Variants in IP6K3 observed in about 807,000 individuals in gnomAD.
IP6K3 encodes the protein ATP:1D-myo-inositol-hexakisphosphate phosphotransferase.
Under a neutral mutation model 28.8 loss-of-function variants are expected in IP6K3, and 20 were observed. The observed-to-expected ratio is 0.70, with a 90% CI of 0.49 to 1.01. IP6K3 has a LOEUF of 1.01. IP6K3 is among the 50% of genes least tolerant of loss of function. The probability of loss-of-function intolerance (pLI) is 0.00; values close to 1 mark genes in which losing one functional copy is unlikely to be tolerated. For missense variants in IP6K3, 480 were observed against 537.1 expected, an observed-to-expected ratio of 0.89 and a Z score of 1.05; for synonymous variants, 213 against 221.3, an observed-to-expected ratio of 0.96 and a Z score of 0.33.
chr6:33,754,570 G>T, the IP6K3 span, among the ~76,000 whole-genome samples: 38 of 152,214 alleles, frequency 2.5e-4, no homozygotes, highest in Non-Finnish European at 3.4e-4. Flanking sequence ...GGCTGGCGGG[G>T]CTGAAGCTGC....
At chr6:33,748,973 C>T (rs1039750271), upstream of IP6K3, among the ~76,000 whole-genome samples, 1 of 152,172 alleles carries the variant, frequency 6.6e-6, no homozygotes, top group African/African-American at 2.4e-5. Context: ...TCCCCCTGCC[C>T]AGCTGTGTGC....
intron 1 of IP6K3, among the ~76,000 whole-genome samples, chr6:33,743,123 G>A (rs1427529783): frequency 2.6e-5 from 4 of 152,192 alleles, no homozygotes; most frequent in Non-Finnish European, 5.9e-5. Context: ...CCAGCCAGAG[G>A]AGATGCTGGC....
Position 33,722,856 on chromosome 6 carries a change from C to A in IP6K3, c.1097G>T (p.Arg366Leu). 1 of 1,613,702 alleles carries A rather than the reference C, an allele frequency of 6.2e-7. No homozygotes were observed. The highest frequency in any genetic ancestry group is 8.5e-7 in the Non-Finnish European group (1 of 1,179,652). ...SPGGLTKVDI[R>L]MIDFAHTTYK... ...TGTGGTATGAGCAAAGTCAATCATG[C>A]GGATGTCAACCTTGGTGAGACCACC... is the stretch of plus-strand genomic sequence containing the variant. The change falls in exon 6 of 6, where the codon CGC becomes CTC. Residue 366 changes from arginine to leucine, a missense_variant. Physicochemically the swap from Arg to Leu is moderately radical, Grantham distance 102. Coordinates refer to ENST00000293756, the MANE Select transcript of IP6K3 (RefSeq NM_054111.5).
At chr6:33,738,970 C>A (rs540758167) in intron 1 of IP6K3, among the ~76,000 whole-genome samples, 1 of 152,214 alleles carries the variant, frequency 6.6e-6, no homozygotes, top group Non-Finnish European at 1.5e-5. Context: ...AGGGATCAGG[C>A]TGAAGGCCCA....
At position 33,722,915 on chromosome 6, in the gene IP6K3, G is replaced by A. The variant is rs375114410; in HGVS notation, c.1038C>T (p.His346=). The change falls in exon 6 of 6, where the codon CAC becomes CAT. Residue 346 remains histidine (H), a synonymous_variant. Coordinates refer to ENST00000293756, the MANE Select transcript of IP6K3 (RefSeq NM_054111.5). ...TACCGTGGGCTGCCTGGGGAGCCTCGTGAGGATGCGGGCTGCCTGGGGCTC... is the reference window on the plus strand; with the variant it reads ...TACCGTGGGCTGCCTGGGGAGCCTCATGAGGATGCGGGCTGCCTGGGGCTC... ...PERAPGSPHP[H]EAPQAAHGSS... is the part of the protein sequence containing the mutation. 2.4e-5 allele frequency: 38 copies of A among 1,613,884 alleles called. No homozygotes were observed. Among genetic ancestry groups the A allele is most frequent in the Non-Finnish European group, 3.1e-5 (37 of 1,179,996 alleles).
chr6:33,732,874 C>CT (rs1561904544), intron 2 of IP6K3, among the ~76,000 whole-genome samples: 1 of 152,254 alleles, frequency 6.6e-6, no homozygotes, highest in African/African-American at 2.4e-5. Context: ...ACGAGCAGAC[C>CT]TCAGCCACCT....
intron 1 of IP6K3, among the ~76,000 whole-genome samples, chr6:33,737,883 T>G (rs561494013): frequency 2.6e-5 from 4 of 152,090 alleles, no homozygotes; most frequent in Admixed American, 6.5e-5. Flanking sequence ...GGCACAGAGG[T>G]GAGCCCCATC....
At chr6:33,728,641 A>T (rs1305459530) in intron 2 of IP6K3, among the ~76,000 whole-genome samples, 2 of 152,112 alleles carry the variant, frequency 1.3e-5, no homozygotes, top group African/African-American at 4.8e-5. Context: ...CACACCTCCC[A>T]GTCACACCAC....
chr6:33,751,525 C>A (rs1410546932), upstream of IP6K3, among the ~76,000 whole-genome samples: 1 of 116,158 alleles, frequency 8.6e-6, no homozygotes. The surrounding 1 kb of genome is among the most constrained non-coding windows in gnomAD (Gnocchi z 4.3). Flanking sequence ...TGTGTTTGGC[C>A]CCGGGAATGG....
At position 33,722,482 on chromosome 6, in the gene IP6K3, CCT is replaced by C; in HGVS notation, c.*236_*237del. On this transcript the variant is annotated 3_prime_UTR_variant, in exon 6 of 6. Transcript: ENST00000293756. ...TGTACTCCAGAAGGTGCCACTTTAT[CCT>C]GGCTGTCTGTTCTCCGATGAGCAGC... 1 of 369,606 alleles carries C rather than the reference CCT, an allele frequency of 2.7e-6. No homozygotes were observed. The highest frequency in any genetic ancestry group is 4.9e-6 in the Non-Finnish European group (1 of 205,874). 22.9% of individuals were successfully genotyped at this position (369,606 alleles called of 1,614,324 possible).
chr6:33,729,033 G>A (rs186831828), intron 2 of IP6K3, among the ~76,000 whole-genome samples: 89 of 152,316 alleles, frequency 5.8e-4, no homozygotes, highest in Non-Finnish European at 1.2e-3. Flanking sequence ...TCCTACCATC[G>A]GTGTTGGTCA....
In IP6K3 at chr6:33,744,999, G is replaced by A. The variant is rs1465637765; in HGVS notation, c.-180+1759C>T. Among the ~76,000 whole-genome samples, 3 of 152,224 alleles carry A rather than the reference G, an allele frequency of 2.0e-5. No individual in the cohort carries two copies. The highest frequency in any genetic ancestry group is 4.4e-5 in the Non-Finnish European group (3 of 68,032). ...CCCAGGCTGTGGCACCCTGGTGGGTGGGTGAGGCCTCTCAGCTGCCAGCTG... is the reference window on the plus strand; with the variant it reads ...CCCAGGCTGTGGCACCCTGGTGGGTAGGTGAGGCCTCTCAGCTGCCAGCTG... On this transcript the variant is annotated intron_variant, in intron 1 of 5. Transcript: ENST00000293756. The surrounding 1 kb of genome is among the most constrained non-coding windows in gnomAD (Gnocchi z 4.4).
At chr6:33,748,889 A>C (rs1489583869), upstream of IP6K3, among the ~76,000 whole-genome samples, 3 of 149,936 alleles carry the variant, frequency 2.0e-5, no homozygotes, top group African/African-American at 5.0e-5. Flanking sequence ...CTGCCCCCTG[A>C]CTCCCCCCTG....
chr6:33,728,550 G>A (rs1356696522), intron 2 of IP6K3, among the ~76,000 whole-genome samples: 1 of 152,164 alleles, frequency 6.6e-6, no homozygotes, highest in Non-Finnish European at 1.5e-5. Context: ...CTGCTTTATC[G>A]CACTTCCCTG....
intron 1 of IP6K3, 31 bp from the exon 2 acceptor site, chr6:33,735,686 T>C (rs1766500050): frequency 1.3e-5 from 17 of 1,279,824 alleles, no homozygotes; most frequent in Non-Finnish European, 1.7e-5. Flanking sequence ...GAGGAAGTTA[T>C]ATGAGGGAGG....
intron 1 of IP6K3, among the ~76,000 whole-genome samples, chr6:33,738,621 G>C (rs1437509757): frequency 1.3e-5 from 2 of 152,204 alleles, no homozygotes; most frequent in Admixed American, 1.3e-4. Flanking sequence ...GAGAGGTTAA[G>C]TAGCTTCCCT....
chr6:33,745,581 G>GC lies in IP6K3; in HGVS notation c.-180+1176dup, dbSNP rs374641025. Among the ~76,000 whole-genome samples the GC allele has an allele frequency of 2.3e-3, 357 of 152,278 alleles. 1 individual carries two copies. The highest frequency in any genetic ancestry group is 7.9e-3 in the African/African-American group (329 of 41,548). Reference sequence around the variant, plus strand: ...AATCACCATGGTGGGGGGTCGGGGGGCTGGCAGAGGCTCTTTCTAATTGAA... The same window carrying GC: ...AATCACCATGGTGGGGGGTCGGGGGGCCTGGCAGAGGCTCTTTCTAATTGAA... On this transcript the variant is annotated intron_variant, in intron 1 of 5. Transcript: ENST00000293756.
At chr6:33,756,897 G>A in the IP6K3 span, among the ~76,000 whole-genome samples, 5 of 152,192 alleles carry the variant, frequency 3.3e-5, no homozygotes, top group African/African-American at 1.2e-4. Context: ...CAGCCCCACC[G>A]CCACCTGCGG....
intron 5 of IP6K3, among the ~76,000 whole-genome samples, chr6:33,723,840 A>T (rs1766001137): frequency 6.6e-6 from 1 of 152,194 alleles, no homozygotes; most frequent in Non-Finnish European, 1.5e-5. Context: ...TCTCCTTGGC[A>T]CCATCTCTCC....
Sources: gnomAD v4.1 joint callset for allele counts (sites outside exome capture counted in the v4.1 genomes callset) on GRCh38, gnomAD v4.1.1 for gene constraint, Gnocchi (gnomAD v3.1) non-coding constraint, MANE v1.5 for transcripts, NCBI Gene and HGNC (gene_info 2026-07-23, HGNC 2026-07-21) for gene names.